The following OR2L13 variants were observed in gnomAD, a reference collection of about 807,000 sequenced individuals.
OR2L13 encodes olfactory receptor 2L13.
OR2L13 carries 14 observed loss-of-function variants against 15.3 expected under a neutral mutation model. The observed-to-expected ratio is 0.91, with a 90% confidence interval of 0.60 to 1.43. OR2L13 has a LOEUF of 1.43. Among genes scored for constraint, OR2L13 ranks in the 40% most tolerant of loss-of-function variants. The probability of loss-of-function intolerance (pLI) is 0.00; values close to 1 mark genes in which losing one functional copy is unlikely to be tolerated. For missense variants in OR2L13, 367 were observed against 387.9 expected (o/e 0.95, Z 0.45); for synonymous variants, 152 against 142.9 (o/e 1.06, Z -0.45).
At chr1:248,085,248 T>A in the OR2L13 span, among the ~76,000 whole-genome samples, 1 of 151,774 alleles carries the variant, frequency 6.6e-6, no homozygotes, top group Non-Finnish European at 1.5e-5. Flanking sequence ...AGACTCATTT[T>A]ATTAATGCAG....
At chr1:247,995,120 C>G in the OR2L13 span, among the ~76,000 whole-genome samples, 2 of 152,184 alleles carry the variant, frequency 1.3e-5, no homozygotes, top group African/African-American at 4.8e-5. Context: ...TAGCTTTTAT[C>G]TTTAATGCAT....
the OR2L13 span, among the ~76,000 whole-genome samples, chr1:248,050,535 A>C: frequency 2.0e-5 from 3 of 152,122 alleles, no homozygotes; most frequent in African/African-American, 7.2e-5. Context: ...GATAATAAAA[A>C]GATGATACAT....
chr1:248,073,484 G>C, the OR2L13 span, among the ~76,000 whole-genome samples: 11 of 151,902 alleles, frequency 7.2e-5, no homozygotes, highest in Admixed American at 7.2e-4. Flanking sequence ...TGTGGGGTGG[G>C]GGGAGCGGGG....
chr1:248,004,205 G>A, the OR2L13 span: 4 of 687,752 alleles, frequency 5.8e-6, no homozygotes, highest in Admixed American at 6.6e-5. Flanking sequence ...ACTGATTTCT[G>A]GACAAAATTG....
chr1:247,956,352 T>C, the OR2L13 span, among the ~76,000 whole-genome samples: 2 of 151,392 alleles, frequency 1.3e-5, no homozygotes, highest in African/African-American at 4.8e-5. Context: ...TGTAGCCTTG[T>C]AGTATAGTTT....
chr1:248,079,648 C>G, the OR2L13 span, among the ~76,000 whole-genome samples: 5 of 152,054 alleles, frequency 3.3e-5, no homozygotes, highest in African/African-American at 4.8e-5. Flanking sequence ...CTATTAATTG[C>G]CCCACATAGA....
the OR2L13 span, among the ~76,000 whole-genome samples, chr1:248,049,273 T>C: frequency 6.6e-6 from 1 of 152,200 alleles, no homozygotes; most frequent in Non-Finnish European, 1.5e-5. Flanking sequence ...TAAATTAGGC[T>C]ACTTTCTTCA....
At chr1:248,003,457 A>G in the OR2L13 span, 1 of 1,609,434 alleles carries the variant, frequency 6.2e-7, no homozygotes, top group South Asian at 1.1e-5. Flanking sequence ...TAGCCGTTGT[A>G]GAAGCGCTAC....
At chr1:248,048,025 GTC>G in the OR2L13 span, among the ~76,000 whole-genome samples, 1 of 152,158 alleles carries the variant, frequency 6.6e-6, no homozygotes, top group African/African-American at 2.4e-5. Flanking sequence ...TTTAAATGGA[GTC>G]TCTGTCCCGT....
chr1:247,966,439 CT>C, the OR2L13 span: 1 of 1,161,440 alleles, frequency 8.6e-7, no homozygotes, highest in Non-Finnish European at 1.2e-6. Context: ...GTTTATCAAT[CT>C]TGTTTAACTT....
the OR2L13 span, among the ~76,000 whole-genome samples, chr1:248,026,472 A>T: frequency 6.6e-6 from 1 of 152,202 alleles, no homozygotes; most frequent in African/African-American, 2.4e-5. Flanking sequence ...GGAAATGATT[A>T]TGTTGCTATG....
chr1:248,048,097 A>G, the OR2L13 span, among the ~76,000 whole-genome samples: 3 of 152,182 alleles, frequency 2.0e-5, no homozygotes, highest in African/African-American at 7.2e-5. Flanking sequence ...GTCAAAGGAT[A>G]TACTTTCATA....
chr1:248,025,957 G>A, the OR2L13 span, among the ~76,000 whole-genome samples: 1 of 143,730 alleles, frequency 7.0e-6, no homozygotes, highest in South Asian at 2.2e-4. Context: ...TGTGAGGTGG[G>A]GGGAGGGGGG....
the OR2L13 span, chr1:248,022,656 T>C: frequency 2.8e-4 from 456 of 1,614,136 alleles, 2 homozygotes; most frequent in Non-Finnish European, 3.6e-4. Context: ...GAAAAAGGCC[T>C]ATTCGACCTG....
At chr1:248,004,905 T>A in the OR2L13 span, among the ~76,000 whole-genome samples, 5 of 152,180 alleles carry the variant, frequency 3.3e-5, no homozygotes, top group Non-Finnish European at 5.9e-5. Context: ...ATCAGTTGAC[T>A]GCACCAGGCA....
the OR2L13 span, among the ~76,000 whole-genome samples, chr1:247,946,373 G>A: frequency 1.1e-3 from 173 of 152,142 alleles, no homozygotes; most frequent in African/African-American, 2.2e-3. Flanking sequence ...AACAGAAGCC[G>A]GGAAAGTGGA....
the OR2L13 span, among the ~76,000 whole-genome samples, chr1:247,986,765 G>T: frequency 1.3e-5 from 2 of 152,200 alleles, no homozygotes; most frequent in African/African-American, 4.8e-5. Context: ...TCTTCCATTT[G>T]TTTGTATCCT....
the OR2L13 span, among the ~76,000 whole-genome samples, chr1:247,981,817 A>AT: frequency 0.025 from 3,622 of 143,192 alleles, 71 homozygotes; most frequent in African/African-American, 0.05. Context: ...CATAATAACA[A>AT]TTTTTTTTTT....
the OR2L13 span, among the ~76,000 whole-genome samples, chr1:247,967,292 G>GA: frequency 6.6e-6 from 1 of 151,882 alleles, no homozygotes; most frequent in Non-Finnish European, 1.5e-5. Flanking sequence ...GCAGTGGCTT[G>GA]AGCTTGGCTC....
Sources: allele counts gnomAD v4.1 joint callset (sites outside exome capture counted in the v4.1 genomes callset), GRCh38; gene constraint gnomAD v4.1.1; transcripts MANE v1.5; gene names NCBI Gene and HGNC (gene_info 2026-07-23, HGNC 2026-07-21).